The following ECT2L variants were observed in gnomAD, a reference collection of about 807,000 sequenced individuals.
The protein encoded by ECT2L is epithelial cell transforming 2 like, also known as epithelial cell-transforming sequence 2 oncogene-like.
Under a neutral mutation model 122.8 loss-of-function variants are expected in ECT2L, and 126 were observed. The observed-to-expected ratio is 1.03, with a 90% CI of 0.89 to 1.19. The LOEUF (loss-of-function observed/expected upper bound fraction) is 1.19. Ranked by LOEUF, ECT2L falls within the 50% of genes most tolerant of loss-of-function variation. The probability of loss-of-function intolerance (pLI) is 0.00; values close to 1 mark genes in which losing one functional copy is unlikely to be tolerated. For synonymous variants in ECT2L, 385 were observed against 381.8 expected, an observed-to-expected ratio of 1.01 and a Z score of -0.10; for missense variants, 1,012 against 1,064.1, an observed-to-expected ratio of 0.95 and a Z score of 0.68.
intron 4 of ECT2L, among the ~76,000 whole-genome samples, chr6:138,834,894 T>TACACACACACACAC (rs544584441): frequency 2.2e-5 from 3 of 137,334 alleles, no homozygotes; most frequent in Non-Finnish European, 3.1e-5. Context: ...TGCCCCCGTT[T>TACACACACACACAC]ACACACACAC....
intron 6 of ECT2L, 56 bp from the exon 7 acceptor site, chr6:138,844,356 C>G (rs1303278028): frequency 6.9e-6 from 11 of 1,583,698 alleles, no homozygotes; most frequent in African/African-American, 5.4e-5. Flanking sequence ...TCTGTGTGGA[C>G]TTGGCTGGGA....
At chr6:138,811,811 T>G (rs1037520181) in intron 1 of ECT2L, among the ~76,000 whole-genome samples, 18 of 152,100 alleles carry the variant, frequency 1.2e-4, no homozygotes, top group Admixed American at 1.2e-3. Context: ...CCGAAGTAGC[T>G]GGGATTAGCT....
At chr6:138,871,604 G>T (rs1582640315) in intron 13 of ECT2L, among the ~76,000 whole-genome samples, 1 of 152,048 alleles carries the variant, frequency 6.6e-6, no homozygotes, top group African/African-American at 2.4e-5. Flanking sequence ...CCAGGAATTT[G>T]AGACCAGCCT....
chr6:138,809,780 A>G (rs150936562), intron 1 of ECT2L, among the ~76,000 whole-genome samples: 355 of 152,300 alleles, frequency 2.3e-3, no homozygotes, highest in African/African-American at 8.0e-3. Flanking sequence ...CACTTTTTCT[A>G]TTCTCTGGAA....
chr6:138,847,782 C>G (rs1777288229), intron 8 of ECT2L, among the ~76,000 whole-genome samples: 1 of 152,130 alleles, frequency 6.6e-6, no homozygotes, highest in African/African-American at 2.4e-5. Flanking sequence ...TTCCAACACT[C>G]TTTTAGCTTC....
chr6:138,848,962 C>T lies in ECT2L; in HGVS notation c.904-307C>T, dbSNP rs189821293. On this transcript the variant is annotated intron_variant, in intron 8 of 21. Coordinates refer to ENST00000541398, the MANE Select transcript of ECT2L (RefSeq NM_001077706.3). ...AAGCCACTGTGCTTGGCCATTATTACTTTTTAAAAGTTATTTATATGTCTT... is the reference window on the plus strand; with the variant it reads ...AAGCCACTGTGCTTGGCCATTATTATTTTTTAAAAGTTATTTATATGTCTT... Among the ~76,000 whole-genome samples the T allele has an allele frequency of 1.7e-3, 261 of 152,196 alleles. 1 individual carries two copies. Among genetic ancestry groups the T allele is most frequent in the African/African-American group, 5.9e-3 (245 of 41,498 alleles).
intron 1 of ECT2L, among the ~76,000 whole-genome samples, chr6:138,805,415 C>T (rs757165612): frequency 5.3e-4 from 81 of 152,218 alleles, no homozygotes; most frequent in Non-Finnish European, 1.1e-3. Flanking sequence ...TGTGAGAGCT[C>T]TGGATGCTCA....
At chr6:138,880,828 G>A (rs567813601) in intron 14 of ECT2L, 129 bp from the exon 15 acceptor site, 21 of 720,560 alleles carry the variant, frequency 2.9e-5, no homozygotes, top group Middle Eastern at 3.8e-4. Context: ...GGGGTCCTCC[G>A]TAGCCCCCGT....
chr6:138,804,191 T>C (rs1040362849), intron 1 of ECT2L, among the ~76,000 whole-genome samples: 2 of 152,242 alleles, frequency 1.3e-5, no homozygotes, highest in African/African-American at 2.4e-5. Context: ...TTTTGTCTTC[T>C]GGGGATTCAC....
At chr6:138,889,577 C>T (rs988143988) in intron 20 of ECT2L, among the ~76,000 whole-genome samples, 1 of 152,258 alleles carries the variant, frequency 6.6e-6, no homozygotes, top group Non-Finnish European at 1.5e-5. Context: ...GCCTTGGCCT[C>T]CCAAAGTGCT....
At chr6:138,842,588 G>A (rs192918017) in intron 5 of ECT2L, among the ~76,000 whole-genome samples, 12 of 152,100 alleles carry the variant, frequency 7.9e-5, no homozygotes, top group Non-Finnish European at 1.2e-4. Flanking sequence ...TGGCTAACAC[G>A]GTGAAACCTC....
intron 4 of ECT2L, among the ~76,000 whole-genome samples, chr6:138,819,394 G>A (rs1243562413): frequency 6.6e-6 from 1 of 152,050 alleles, no homozygotes; most frequent in Non-Finnish European, 1.5e-5. Flanking sequence ...TGAGTGTGTG[G>A]AGCTGCTCTC....
At chr6:138,866,786 T>A (rs1410736423) in intron 12 of ECT2L, among the ~76,000 whole-genome samples, 1 of 152,212 alleles carries the variant, frequency 6.6e-6, no homozygotes. Context: ...TATTTATATA[T>A]TTGAAGCCTG....
chr6:138,827,759 ATGTTG>A (rs1448437555), intron 4 of ECT2L, among the ~76,000 whole-genome samples: 1 of 152,118 alleles, frequency 6.6e-6, no homozygotes, highest in East Asian at 1.9e-4. Flanking sequence ...GGGTTTCACC[ATGTTG>A]GCCAGACTGG....
intron 7 of ECT2L, among the ~76,000 whole-genome samples, chr6:138,845,378 G>A (rs1169487169): frequency 1.3e-5 from 2 of 152,036 alleles, no homozygotes; most frequent in East Asian, 3.9e-4. Context: ...GAGCAGGTGG[G>A]ACTATAGGTG....
intron 13 of ECT2L, among the ~76,000 whole-genome samples, chr6:138,869,661 C>T (rs1382757063): frequency 6.6e-6 from 1 of 152,172 alleles, no homozygotes; most frequent in East Asian, 1.9e-4. Flanking sequence ...GGTGTCAGTT[C>T]AGTGTACTTA....
At chr6:138,865,626 C>G (rs1217084646) in intron 12 of ECT2L, among the ~76,000 whole-genome samples, 1 of 152,176 alleles carries the variant, frequency 6.6e-6, no homozygotes, top group Non-Finnish European at 1.5e-5. Flanking sequence ...TTTGCTGAGC[C>G]TATTAGACGT....
intron 1 of ECT2L, among the ~76,000 whole-genome samples, chr6:138,799,021 G>T (rs1243283988): frequency 6.6e-6 from 1 of 152,120 alleles, no homozygotes; most frequent in East Asian, 1.9e-4. Flanking sequence ...GTATAAATTT[G>T]TTCTGACCAC....
rs1554269892 is a variant in ECT2L at position 138,824,561 on chromosome 6, A to AAAAAAAAAC, written c.179+9964_179+9965insAACAAAAAA. On this transcript the variant is annotated intron_variant, in intron 4 of 21. Coordinates refer to ENST00000541398, the MANE Select transcript of ECT2L (RefSeq NM_001077706.3). ...AGCAATAAAAAAAAAAAAACTATAAAAAAAAACAAAAAACAAAAACAAAAA... is the reference window on the plus strand; with the variant it reads ...AGCAATAAAAAAAAAAAAACTATAAAAAAAAAAACAAAAAACAAAAAACAAAAACAAAAA... Among the ~76,000 whole-genome samples, 830 of 98,606 alleles carry AAAAAAAAAC rather than the reference A, an allele frequency of 8.4e-3. 7 individuals carry two copies. Among genetic ancestry groups the AAAAAAAAAC allele is most frequent in the African/African-American group, 0.027 (739 of 27,512 alleles). 64.7% of individuals were successfully genotyped at this position (98,606 alleles called of 152,430 possible). A position where few individuals can be genotyped will look rare whatever the true frequency, so the allele number is the denominator to read the frequency against.
Sources: allele counts gnomAD v4.1 joint callset (sites outside exome capture counted in the v4.1 genomes callset), GRCh38; gene constraint gnomAD v4.1.1; transcripts MANE v1.5; gene names NCBI Gene and HGNC (gene_info 2026-07-23, HGNC 2026-07-21).